TMEM182: variants seen among roughly 807,000 people sequenced by gnomAD.
TMEM182 encodes transmembrane protein 182.
TMEM182 carries 20 observed loss-of-function variants against 26.8 expected under a neutral mutation model. The ratio of observed to expected loss-of-function variants is 0.75; its 90% CI spans 0.53 to 1.09. The LOEUF (loss-of-function observed/expected upper bound fraction) is 1.09, where lower values mean the gene tolerates loss of function less well. Among genes scored for constraint, TMEM182 ranks in the 50% least tolerant of loss-of-function variants. The probability of loss-of-function intolerance (pLI) is 0.00; values close to 1 mark genes in which losing one functional copy is unlikely to be tolerated. For synonymous variants in TMEM182, 109 were observed against 102.2 expected, an observed-to-expected ratio of 1.07 and a Z score of -0.40; for missense variants, 277 against 275.5, an observed-to-expected ratio of 1.01 and a Z score of -0.04.
intron 3 of TMEM182, among the ~76,000 whole-genome samples, chr2:102,833,235 A>G (rs1432728830): frequency 6.6e-6 from 1 of 152,156 alleles, no homozygotes; most frequent in Non-Finnish European, 1.5e-5. Flanking sequence ...TTATTTGTTC[A>G]TAGTCTGGTA....
chr2:102,751,677 T>C (rs969611744), intron 1 of TMEM182, among the ~76,000 whole-genome samples: 2 of 152,186 alleles, frequency 1.3e-5, no homozygotes, highest in Non-Finnish European at 2.9e-5. Context: ...TGTATCGTTA[T>C]GTCCTTTTTC....
At chr2:102,775,933 A>C (rs929197518) in intron 3 of TMEM182, among the ~76,000 whole-genome samples, 2 of 152,178 alleles carry the variant, frequency 1.3e-5, no homozygotes, top group African/African-American at 4.8e-5. Context: ...CCAATGAATT[A>C]ATTTCTGGAG....
rs1471694527 is a variant in TMEM182, at chr2:102,817,470, A to G, written c.*2502A>G. 1 of 985,424 alleles carries G rather than the reference A, an allele frequency of 1.0e-6. No individual in the cohort carries two copies. The highest frequency in any genetic ancestry group is 1.2e-6 in the Non-Finnish European group (1 of 829,934). 61.0% of individuals were successfully genotyped at this position (985,424 alleles called of 1,614,324 possible). ...CAGCTGGTTTAATTCACTCAGGTGG[A>G]TGATTGCACATACATTGGAATTGGC... is the stretch of plus-strand genomic sequence containing the variant. On this transcript the variant is annotated 3_prime_UTR_variant, in exon 5 of 5. Transcript: ENST00000412401.
chr2:102,842,558 G>T (rs999122451), intron 3 of TMEM182, among the ~76,000 whole-genome samples: 1 of 152,058 alleles, frequency 6.6e-6, no homozygotes, highest in Non-Finnish European at 1.5e-5. Context: ...GAATGGCATG[G>T]CACTACCATA....
intron 3 of TMEM182, among the ~76,000 whole-genome samples, chr2:102,823,955 A>G (rs572712257): frequency 6.6e-6 from 1 of 152,336 alleles, no homozygotes; most frequent in Non-Finnish European, 1.5e-5. Context: ...ACATCATTGA[A>G]GTTATCCATT....
chr2:102,751,254 G>A (rs1223776918), intron 1 of TMEM182, among the ~76,000 whole-genome samples: 2 of 152,172 alleles, frequency 1.3e-5, no homozygotes, highest in Non-Finnish European at 2.9e-5. Flanking sequence ...ACAGGCTTGA[G>A]GAGGCGGTGT....
chr2:102,760,403 A>G (rs1558755971), upstream of TMEM182, among the ~76,000 whole-genome samples: 2 of 152,214 alleles, frequency 1.3e-5, no homozygotes, highest in Admixed American at 1.3e-4. Context: ...AGCTTTTGGC[A>G]GAAAATCAGG....
At chr2:102,762,956 ACTAACT>A (rs1680278078) in intron 2 of TMEM182, among the ~76,000 whole-genome samples, 6 of 152,324 alleles carry the variant, frequency 3.9e-5, no homozygotes, top group East Asian at 1.9e-4. Context: ...TTTAGAATAC[ACTAACT>A]CTAACAAACA....
intron 3 of TMEM182, among the ~76,000 whole-genome samples, chr2:102,766,362 A>G (rs1332560489): frequency 6.6e-6 from 1 of 152,186 alleles, no homozygotes; most frequent in Non-Finnish European, 1.5e-5. Flanking sequence ...TGATCTAGTG[A>G]CAAAACCAAA....
intron 1 of TMEM182, among the ~76,000 whole-genome samples, chr2:102,752,368 G>T (rs1679898636): frequency 6.6e-6 from 1 of 152,176 alleles, no homozygotes; most frequent in Non-Finnish European, 1.5e-5. Context: ...TGGGTATCAT[G>T]ATATGCTCTA....
intron 3 of TMEM182, among the ~76,000 whole-genome samples, chr2:102,773,394 G>A (rs913198805): frequency 6.6e-6 from 1 of 151,896 alleles, no homozygotes; most frequent in African/African-American, 2.4e-5. Context: ...GTGGCCAGGG[G>A]AAAGCACATC....
chr2:102,762,420 C>T lies in TMEM182; in HGVS notation c.132+71C>T, dbSNP rs543646911. 1.6e-4 allele frequency: 258 copies of T among 1,592,842 alleles called. 7 individuals are homozygous for T. The South Asian group carries it at 2.8e-3, about 18-fold the overall frequency. ...ATACCCTTATGTATGCTCTTGAAAT[C>T]AGAGAATAGTAGTGGAGTGTCTATT... On this transcript the variant is annotated intron_variant, in intron 1 of 4. Transcript: ENST00000412401.
At chr2:102,838,246 C>T (rs944713207) in intron 3 of TMEM182, among the ~76,000 whole-genome samples, 1 of 152,188 alleles carries the variant, frequency 6.6e-6, no homozygotes, top group African/African-American at 2.4e-5. Context: ...TAAGGTCTAA[C>T]TTAGTTGATT....
upstream of TMEM182, among the ~76,000 whole-genome samples, chr2:102,760,639 A>G (rs1036362548): frequency 2.0e-5 from 3 of 150,320 alleles, no homozygotes; most frequent in South Asian, 2.1e-4. Flanking sequence ...TTTTTTTGAG[A>G]GTTTTGCTCT....
intron 3 of TMEM182, among the ~76,000 whole-genome samples, chr2:102,764,791 TTA>T (rs1190770672): frequency 2.0e-5 from 3 of 151,650 alleles, no homozygotes; most frequent in African/African-American, 4.8e-5. Flanking sequence ...TTCTAAAACT[TTA>T]TGTCATCATT....
chr2:102,837,587 A>G (rs1683270001), intron 3 of TMEM182, among the ~76,000 whole-genome samples: 2 of 152,058 alleles, frequency 1.3e-5, no homozygotes, highest in African/African-American at 4.8e-5. Flanking sequence ...TGTCACCTTG[A>G]TAGTGCCAAG....
At chr2:102,774,354 C>T (rs1189636992) in intron 3 of TMEM182, among the ~76,000 whole-genome samples, 3 of 144,082 alleles carry the variant, frequency 2.1e-5, no homozygotes, top group African/African-American at 7.8e-5. Context: ...CTCCTGGGTT[C>T]AAGCAATTCT....
intron 4 of TMEM182, among the ~76,000 whole-genome samples, chr2:102,800,566 G>T (rs1023339738): frequency 6.6e-6 from 1 of 151,992 alleles, no homozygotes; most frequent in African/African-American, 2.4e-5. Context: ...CCTTTTCAAA[G>T]TTCCAGTAAG....
At chr2:102,758,366 G>A, upstream of TMEM182, 2 of 694,354 alleles carry the variant, frequency 2.9e-6, no homozygotes, top group East Asian at 2.7e-5. Context: ...AAGCAACACT[G>A]AATGGCTGTT....
Sources: allele counts gnomAD v4.1 joint callset (sites outside exome capture counted in the v4.1 genomes callset), GRCh38; gene constraint gnomAD v4.1.1; transcripts MANE v1.5; gene names NCBI Gene and HGNC (gene_info 2026-07-23, HGNC 2026-07-21).